PRKN: variants seen among roughly 807,000 people sequenced by gnomAD.
PRKN encodes the protein E3 ubiquitin-protein ligase parkin.
A neutral mutation model predicts 59.5 loss-of-function variants in PRKN; 56 were observed. The observed-to-expected ratio is 0.94, with a 90% CI of 0.76 to 1.18. The LOEUF (loss-of-function observed/expected upper bound fraction) is 1.18. PRKN is among the 50% of genes most tolerant of loss of function. The probability of loss-of-function intolerance (pLI) is 0.00; values close to 1 mark genes in which losing one functional copy is unlikely to be tolerated. For synonymous variants in PRKN, 250 were observed against 222.1 expected (o/e 1.13, Z -1.12); for missense variants, 657 against 596.4 (o/e 1.10, Z -1.06).
chr6:161,700,131 C>A (rs1014390099), intron 7 of PRKN, among the ~76,000 whole-genome samples: 1 of 151,940 alleles, frequency 6.6e-6, no homozygotes, highest in African/African-American at 2.4e-5. Context: ...AACATCTTTT[C>A]CATCTTCTTT....
At chr6:162,673,856 AG>A (rs1779432929) in intron 1 of PRKN, among the ~76,000 whole-genome samples, 1 of 152,230 alleles carries the variant, frequency 6.6e-6, no homozygotes, top group Non-Finnish European at 1.5e-5. Context: ...GTGTGGCGGA[AG>A]GCGGCAGTGT....
intron 4 of PRKN, among the ~76,000 whole-genome samples, chr6:162,175,674 C>G (rs554119039): frequency 6.6e-6 from 1 of 152,238 alleles, no homozygotes; most frequent in African/African-American, 2.4e-5. Context: ...AAGGCCACCA[C>G]TTGATATAGA....
In PRKN at chr6:161,510,859, C is replaced by T. The variant is rs575990164; in HGVS notation, c.1083+37995G>A. On this transcript the variant is annotated intron_variant, in intron 9 of 11. Transcript: ENST00000366898. The stretch of plus-strand genomic sequence containing the variant: ...TCCATTGGAAGTGGGCTGAAAATGG[C>T]CCTCCTTTCCCCTGTGGCCATTTTT... Among the ~76,000 whole-genome samples the T allele has an allele frequency of 2.0e-5, 3 of 152,282 alleles. No homozygotes were observed. The South Asian group carries it at 6.2e-4, about 32-fold the overall frequency.
At chr6:161,777,800 GTATATATGTA>G (rs1562676428) in intron 7 of PRKN, among the ~76,000 whole-genome samples, 1 of 139,710 alleles carries the variant, frequency 7.2e-6, no homozygotes, top group Non-Finnish European at 1.5e-5. Flanking sequence ...TATGATATAT[GTATATATGTA>G]TATATGTGTA....
At chr6:161,659,723 T>C (rs1784476886) in intron 7 of PRKN, among the ~76,000 whole-genome samples, 1 of 151,782 alleles carries the variant, frequency 6.6e-6, no homozygotes, top group Non-Finnish European at 1.5e-5. Context: ...AGGCCTGAGG[T>C]CAGATCTCGG....
intron 2 of PRKN, among the ~76,000 whole-genome samples, chr6:162,322,617 G>T (rs576278284): frequency 6.6e-6 from 1 of 152,150 alleles, no homozygotes; most frequent in South Asian, 2.1e-4. Context: ...CAAAATGAGG[G>T]TAAATTCAAA....
intron 1 of PRKN, among the ~76,000 whole-genome samples, chr6:162,694,164 G>A (rs1160010109): frequency 6.8e-6 from 1 of 146,960 alleles, no homozygotes; most frequent in Non-Finnish European, 1.5e-5. Context: ...GGAGAATGGT[G>A]TGAATCTGGG....
Position 162,058,278 on chromosome 6 carries a change from T to C in PRKN, c.535-4104A>G, listed in dbSNP as rs375072165. 1.4e-4 allele frequency among the ~76,000 whole-genome samples: 21 copies of C among 152,352 alleles called. No homozygotes were observed. In the South Asian group the frequency reaches 4.4e-3, roughly 32 times the overall value. On this transcript the variant is annotated intron_variant, in intron 4 of 11. Transcript: ENST00000366898. ...CCTGGTTTTCATCTGCATGTATCCC[T>C]GCAAGGTTGTCACATCATTCTGAAA...
chr6:162,619,580 T>C (rs1285578357), intron 1 of PRKN, among the ~76,000 whole-genome samples: 1 of 152,134 alleles, frequency 6.6e-6, no homozygotes, highest in Non-Finnish European at 1.5e-5. Context: ...CACTACCAGA[T>C]TGCACGGGAA....
chr6:162,191,984 T>G (rs1266102021), intron 4 of PRKN, among the ~76,000 whole-genome samples: 1 of 152,162 alleles, frequency 6.6e-6, no homozygotes, highest in African/African-American at 2.4e-5. Flanking sequence ...ACCAACCAAG[T>G]TTTTAAACAT....
chr6:162,602,470 T>A (rs138324158), intron 1 of PRKN, among the ~76,000 whole-genome samples: 266 of 152,296 alleles, frequency 1.7e-3, no homozygotes, highest in African/African-American at 6.1e-3. Flanking sequence ...ATTAAGAGTT[T>A]GTTGTGAAGG....
intron 2 of PRKN, among the ~76,000 whole-genome samples, chr6:162,329,768 T>A (rs988386154): frequency 3.3e-5 from 5 of 152,066 alleles, no homozygotes; most frequent in Non-Finnish European, 7.4e-5. Flanking sequence ...TTATATATGT[T>A]TTGGTAGAAT....
chr6:162,347,496 C>G (rs1295767395), intron 2 of PRKN, among the ~76,000 whole-genome samples: 2 of 151,822 alleles, frequency 1.3e-5, no homozygotes, highest in Non-Finnish European at 2.9e-5. Flanking sequence ...TCAAAGAATA[C>G]TGGGTATAAG....
chr6:161,925,001 G>T (rs1778914107), intron 6 of PRKN, among the ~76,000 whole-genome samples: 1 of 152,176 alleles, frequency 6.6e-6, no homozygotes, highest in South Asian at 2.1e-4. Flanking sequence ...GAGGTCAAAT[G>T]TTAAGACTTG....
chr6:162,462,497 T>C (rs1376194961), intron 1 of PRKN, among the ~76,000 whole-genome samples: 6 of 152,156 alleles, frequency 3.9e-5, no homozygotes, highest in African/African-American at 1.4e-4. Flanking sequence ...TGTGTGTATG[T>C]GTATGGTGTG....
chr6:161,569,313 C>A (rs71653630), intron 8 of PRKN, 42 bp downstream of exon 8: 85 of 1,578,060 alleles, frequency 5.4e-5, no homozygotes, highest in Non-Finnish European at 6.9e-5. Context: ...TAGCGTCTAT[C>A]TTTCATGACA....
chr6:161,954,875 G>C (rs1318766607), intron 6 of PRKN, among the ~76,000 whole-genome samples: 1 of 152,190 alleles, frequency 6.6e-6, no homozygotes, highest in Non-Finnish European at 1.5e-5. Context: ...ATGTTTTCCA[G>C]TATTGGCTCA....
At position 162,661,023 on chromosome 6, in the gene PRKN, A is replaced by G. The variant is rs1415405157; in HGVS notation, c.7+66639T>C. ...ACATCTGTAATCCTAGCACTTTGGG[A>G]GGCTGAGGTGGGCGGATCACCTGAG... On this transcript the variant is annotated intron_variant, in intron 1 of 11. Transcript: ENST00000366898. 2.6e-5 allele frequency among the ~76,000 whole-genome samples: 4 copies of G among 152,236 alleles called. No individual in the cohort carries two copies. In the East Asian group the frequency reaches 7.7e-4, roughly 29 times the overall value.
chr6:162,358,018 A>T (rs1784950106), intron 2 of PRKN, among the ~76,000 whole-genome samples: 1 of 152,168 alleles, frequency 6.6e-6, no homozygotes, highest in Non-Finnish European at 1.5e-5. Context: ...GTCAAAACCT[A>T]CAGAATGTAC....
Sources: allele counts gnomAD v4.1 joint callset (sites outside exome capture counted in the v4.1 genomes callset), GRCh38; gene constraint gnomAD v4.1.1; transcripts MANE v1.5; gene names NCBI Gene and HGNC (gene_info 2026-07-23, HGNC 2026-07-21).